CHSY1: variants seen among roughly 807,000 people sequenced by gnomAD.
CHSY1 encodes chondroitin sulfate synthase 1.
Under a neutral mutation model 59.8 loss-of-function variants are expected in CHSY1, and 13 were observed. The observed-to-expected ratio is 0.22, with a 90% confidence interval of 0.14 to 0.35. CHSY1 has a LOEUF of 0.35. CHSY1 is among the 10% of genes least tolerant of loss of function. The pLI is 1.00. For missense variants in CHSY1, 947 were observed against 1,030.6 expected (o/e 0.92, Z 1.11); for synonymous variants, 459 against 401.2 (o/e 1.14, Z -1.72).
At chr15:101,234,178 G>A (rs2038917386) in intron 2 of CHSY1, among the ~76,000 whole-genome samples, 1 of 152,210 alleles carries the variant, frequency 6.6e-6, no homozygotes, top group South Asian at 2.1e-4. Context: ...TTTCATTTAT[G>A]TGTCACGGTA....
In CHSY1 at chr15:101,235,236, C is replaced by A. The variant is rs1248696509; in HGVS notation, c.662G>T (p.Gly221Val). The change falls in exon 2 of 3, where the codon GGG (glycine) becomes GTG (valine). Residue 221 changes from glycine to valine, a missense_variant. Gly to Val is a moderately radical substitution (Grantham distance 109). Around this residue, in one of 4 missense-constraint regions of CHSY1, gnomAD observed 108 missense variants for 144.4 expected, o/e 0.75. Coordinates refer to ENST00000254190, the MANE Select transcript of CHSY1 (RefSeq NM_014918.5). ...CCGGCTCATGATCACGCCAGGCCCC[C>A]CCATGCAGAAGTTCTCACCAGGCTC... ...ALEPGENFCM[G>V]GPGVIMSREV... 1 of 1,614,140 alleles carries A rather than the reference C, an allele frequency of 6.2e-7. No homozygotes were observed. The highest frequency in any genetic ancestry group is 8.5e-7 in the Non-Finnish European group (1 of 1,180,002).
chr15:101,197,688 C>T (rs1203889845), intron 2 of CHSY1, among the ~76,000 whole-genome samples: 1 of 152,116 alleles, frequency 6.6e-6, no homozygotes, highest in Non-Finnish European at 1.5e-5. Context: ...TGTTAAATTA[C>T]TATACAGCAA....
chr15:101,243,045 CT>C (rs140140978), intron 1 of CHSY1, among the ~76,000 whole-genome samples: 1 of 151,952 alleles, frequency 6.6e-6, no homozygotes, highest in Admixed American at 6.6e-5. Context: ...GTAAAGAGCC[CT>C]TTTTTTTCTT....
chr15:101,242,407 G>GCTAGATGTA (rs1053891945), intron 1 of CHSY1: 3 of 152,246 alleles, frequency 2.0e-5, no homozygotes, highest in African/African-American at 7.2e-5. Flanking sequence ...GCTAGTGGTG[G>GCTAGATGTA]GCCCAAATTC....
chr15:101,194,456 T>G (rs1025567283), intron 2 of CHSY1, among the ~76,000 whole-genome samples: 4 of 152,262 alleles, frequency 2.6e-5, no homozygotes, highest in Admixed American at 2.6e-4. Flanking sequence ...CATTTTCAAT[T>G]GTAATTTCTA....
intron 1 of CHSY1, among the ~76,000 whole-genome samples, chr15:101,239,542 T>A (rs1041380213): frequency 1.3e-5 from 2 of 152,216 alleles, no homozygotes; most frequent in Admixed American, 1.3e-4. Context: ...AAATGAGCTC[T>A]CTGTAAACAG....
chr15:101,246,247 T>C (rs2039050143), intron 1 of CHSY1, among the ~76,000 whole-genome samples: 1 of 152,074 alleles, frequency 6.6e-6, no homozygotes, highest in African/African-American at 2.4e-5. Flanking sequence ...AGAACAAAAC[T>C]ATTCCCCATC....
chr15:101,210,824 A>G (rs2038674857), intron 2 of CHSY1, among the ~76,000 whole-genome samples: 1 of 152,234 alleles, frequency 6.6e-6, no homozygotes, highest in Non-Finnish European at 1.5e-5. Context: ...GCTACTAAAC[A>G]TGCCAGCTGT....
In CHSY1 at chr15:101,178,753, T is replaced by A. The variant is rs1406869785; in HGVS notation, c.1044A>T (p.Glu348Asp). The change falls in exon 3 of 3, where the codon GAA (glutamate) becomes GAT (aspartate). Residue 348 changes from glutamate (E) to aspartate (D), a missense_variant. Physicochemically the swap from Glu to Asp is conservative, Grantham distance 45. This residue lies in a region of CHSY1 where 602 missense variants were observed against 676.9 expected (regional missense o/e 0.89). Coordinates refer to ENST00000254190, the MANE Select transcript of CHSY1 (RefSeq NM_014918.5). ...IVLMSKYSNTEIHKEDLQLGI... is the reference protein window; with the variant it reads ...IVLMSKYSNTDIHKEDLQLGI... ...CCAGCTGGAGGTCCTCTTTATGAAT[T>A]TCTGTGTTGCTGTATTTGCTCATCA... 6.2e-7 allele frequency: 1 copy of A among 1,614,204 alleles called. No individual in the cohort carries two copies. Among genetic ancestry groups the A allele is most frequent in the Non-Finnish European group, 8.5e-7 (1 of 1,180,044 alleles).
chr15:101,218,812 A>G (rs1248183687), intron 2 of CHSY1, among the ~76,000 whole-genome samples: 1 of 152,192 alleles, frequency 6.6e-6, no homozygotes, highest in Admixed American at 6.5e-5. Flanking sequence ...TGTTAAACAC[A>G]TGAGTATACG....
At chr15:101,203,915 G>T (rs1415737350) in intron 2 of CHSY1, among the ~76,000 whole-genome samples, 1 of 152,144 alleles carries the variant, frequency 6.6e-6, no homozygotes, top group African/African-American at 2.4e-5. Flanking sequence ...CTACACTCTG[G>T]AACACCTCAA....
chr15:101,244,818 T>C (rs753940974), intron 1 of CHSY1, among the ~76,000 whole-genome samples: 7 of 152,214 alleles, frequency 4.6e-5, no homozygotes, highest in Non-Finnish European at 1.0e-4. Flanking sequence ...CAGACCACAG[T>C]ATGGATGAAT....
At chr15:101,206,256 G>C (rs530821292) in intron 2 of CHSY1, among the ~76,000 whole-genome samples, 32 of 152,306 alleles carry the variant, frequency 2.1e-4, no homozygotes, top group African/African-American at 7.2e-4. Context: ...GCGCCACGGA[G>C]TGAAACTAGA....
chr15:101,198,561 A>G (rs1010401654), intron 2 of CHSY1, among the ~76,000 whole-genome samples: 2 of 152,218 alleles, frequency 1.3e-5, no homozygotes, highest in African/African-American at 4.8e-5. Context: ...CATTTTACAG[A>G]TTATCTCATG....
intron 2 of CHSY1, among the ~76,000 whole-genome samples, chr15:101,228,008 AG>A (rs2038857524): frequency 6.6e-6 from 1 of 152,190 alleles, no homozygotes; most frequent in Non-Finnish European, 1.5e-5. Context: ...AAAAATTATG[AG>A]GTATCAAAGA....
chr15:101,196,226 T>A, intron 2 of CHSY1, among the ~76,000 whole-genome samples: 1 of 134,950 alleles, frequency 7.4e-6, no homozygotes. Context: ...CGAGAAGCAG[T>A]CTCAAAAAAA....
At chr15:101,219,008 C>T (rs2038762905) in intron 2 of CHSY1, among the ~76,000 whole-genome samples, 1 of 152,156 alleles carries the variant, frequency 6.6e-6, no homozygotes, top group African/African-American at 2.4e-5. Flanking sequence ...CTGCAGGCTC[C>T]AGTCGGCCTG....
intron 1 of CHSY1, among the ~76,000 whole-genome samples, chr15:101,237,998 G>C (rs532114250): frequency 2.1e-3 from 313 of 152,296 alleles, no homozygotes; most frequent in African/African-American, 7.3e-3. Context: ...TATCTGAAAA[G>C]ATACACACCA....
chr15:101,226,071 T>C (rs2038839143), intron 2 of CHSY1, among the ~76,000 whole-genome samples: 1 of 152,214 alleles, frequency 6.6e-6, no homozygotes, highest in South Asian at 2.1e-4. Flanking sequence ...AACACATCCA[T>C]TTTAGGTAAA....
Sources: allele counts gnomAD v4.1 joint callset (sites outside exome capture counted in the v4.1 genomes callset), GRCh38; gene constraint gnomAD v4.1.1; regional missense constraint gnomAD v4.1.1; transcripts MANE v1.5; gene names NCBI Gene and HGNC (gene_info 2026-07-23, HGNC 2026-07-21).